BCL7A: variants seen among roughly 807,000 people sequenced by gnomAD.
BCL7A encodes the protein B-cell CLL/lymphoma 7 protein family member A.
In BCL7A, 11 loss-of-function variants were observed where a neutral mutation model predicts 28.4. That is an observed-to-expected ratio of 0.39 (90% CI 0.24 to 0.64). The LOEUF is 0.64. Ranked by LOEUF, BCL7A falls within the 30% of genes least tolerant of loss-of-function variation. BCL7A has a pLI of 0.50. For missense variants in BCL7A, 222 were observed against 274.8 expected, an observed-to-expected ratio of 0.81 and a Z score of 1.36; for synonymous variants, 123 against 103.3, an observed-to-expected ratio of 1.19 and a Z score of -1.15.
At chr12:122,051,866 C>CTTTTTTT (rs34244407) in intron 4 of BCL7A, among the ~76,000 whole-genome samples, 19 of 80,302 alleles carry the variant, frequency 2.4e-4, no homozygotes, top group South Asian at 5.2e-4. Context: ...CTCTCTCTCT[C>CTTTTTTT]TTTTTTTTTT....
intron 1 of BCL7A, among the ~76,000 whole-genome samples, chr12:122,024,985 T>C (rs2135837015): frequency 8.2e-6 from 1 of 122,170 alleles, no homozygotes; most frequent in Admixed American, 1.0e-4. Flanking sequence ...CGGAAAAAGC[T>C]GTGGCCTCCC....
intron 1 of BCL7A, among the ~76,000 whole-genome samples, chr12:122,026,570 G>C (rs1883634401): frequency 6.6e-6 from 1 of 152,274 alleles, no homozygotes; most frequent in African/African-American, 2.4e-5. Flanking sequence ...TGTCCCAGGA[G>C]AGGTAGAGGT....
Position 122,038,515 on chromosome 12 carries a change from A to G in BCL7A, c.271+3088A>G, listed in dbSNP as rs1024767111. 2.0e-5 allele frequency among the ~76,000 whole-genome samples: 3 copies of G among 148,830 alleles called. No individual in the cohort carries two copies. The Admixed American group carries it at 2.1e-4, about 10-fold the overall frequency. ...GTCAAGAAAGCCCCCCCAACCAGCC[A>G]TACAATCATAGTTGGGTTATGTTTC... is the stretch of plus-strand genomic sequence containing the variant. On this transcript the variant is annotated intron_variant, in intron 3 of 5. Transcript: ENST00000261822.
At chr12:122,049,828 G>T (rs535801497) in intron 4 of BCL7A, among the ~76,000 whole-genome samples, 1 of 152,150 alleles carries the variant, frequency 6.6e-6, no homozygotes, top group Non-Finnish European at 1.5e-5. Flanking sequence ...TGCGTCCCTG[G>T]AAGTGGAACC....
chr12:122,055,161 C>T (rs1002569523), intron 5 of BCL7A, among the ~76,000 whole-genome samples: 12 of 152,130 alleles, frequency 7.9e-5, no homozygotes, highest in African/African-American at 2.2e-4. Context: ...GCCTCTGGGT[C>T]GGAGGAGGAT....
At chr12:122,039,671 T>C (rs1883930111) in intron 3 of BCL7A, among the ~76,000 whole-genome samples, 1 of 151,108 alleles carries the variant, frequency 6.6e-6, no homozygotes, top group Non-Finnish European at 1.5e-5. Flanking sequence ...CTGGTCTCTA[T>C]GGTAAAATCC....
At chr12:122,057,313 G>A (rs1237178327) in intron 5 of BCL7A, among the ~76,000 whole-genome samples, 1 of 152,244 alleles carries the variant, frequency 6.6e-6, no homozygotes, top group Non-Finnish European at 1.5e-5. Flanking sequence ...AACCTGGTGG[G>A]TGAGGAAGAG....
At chr12:122,023,912 A>G (rs1883543507) in intron 1 of BCL7A, among the ~76,000 whole-genome samples, 2 of 152,292 alleles carry the variant, frequency 1.3e-5, no homozygotes, top group South Asian at 2.1e-4. Context: ...GAGGTTGGGA[A>G]ACAGCCGGCA....
At chr12:122,030,611 G>A (rs924347926) in intron 1 of BCL7A, 89 bp from the exon 2 acceptor site, 21 of 1,237,150 alleles carry the variant, frequency 1.7e-5, no homozygotes, top group Non-Finnish European at 2.5e-5. Flanking sequence ...TGTGTGATCT[G>A]GAGCTTGCTC....
rs1443436798 is a variant in BCL7A, at chr12:122,042,698, C to T, written c.272-1188C>T. Among the ~76,000 whole-genome samples the T allele has an allele frequency of 5.3e-5, 8 of 151,860 alleles. No individual in the cohort carries two copies. The East Asian group carries it at 5.8e-4, about 11-fold the overall frequency. ...AAGTTCAGGGAGTCCTGACAGTGGC[C>T]GGCAGCCTGCACTGAAGTATTTTCT... On this transcript the variant is annotated intron_variant, in intron 3 of 5. Transcript: ENST00000261822.
rs111620654 is a variant in BCL7A, at chr12:122,043,992, C to T, written c.378C>T (p.Asp126=). ...APEPNSAVPS[D]GTEAKVDEAQ... is the part of the protein sequence containing the mutation. ...AGCCCAACTCGGCTGTGCCCAGCGACGGCACCGAGGCCAAGGTGGATGAGG... is the reference window on the plus strand; with the variant it reads ...AGCCCAACTCGGCTGTGCCCAGCGATGGCACCGAGGCCAAGGTGGATGAGG... Residue 126 remains aspartate (D), a synonymous_variant, in exon 4 of 6, where the codon GAC becomes GAT. Coordinates refer to ENST00000261822, the MANE Select transcript of BCL7A (RefSeq NM_001024808.3). 1.3e-3 allele frequency: 2,112 copies of T among 1,613,938 alleles called. 5 individuals carry two copies. Among genetic ancestry groups the T allele is most frequent in the Non-Finnish European group, 1.4e-3 (1,700 of 1,180,008 alleles).
At chr12:122,025,878 C>T (rs1259192373) in intron 1 of BCL7A, among the ~76,000 whole-genome samples, 1 of 134,900 alleles carries the variant, frequency 7.4e-6, no homozygotes, top group African/African-American at 2.8e-5. Flanking sequence ...ACCTGGGAGG[C>T]GCAGGTTGCA....
At chr12:122,052,877 G>A (rs1018249167) in intron 4 of BCL7A, among the ~76,000 whole-genome samples, 9 of 135,706 alleles carry the variant, frequency 6.6e-5, no homozygotes, top group African/African-American at 2.4e-4. Flanking sequence ...TCGGGGGGGG[G>A]GGGGGGTTTG....
At chr12:122,044,326 T>G in intron 4 of BCL7A, 1 of 343,660 alleles carries the variant, frequency 2.9e-6, no homozygotes, top group Non-Finnish European at 5.2e-6. Flanking sequence ...CTGGGCAACA[T>G]AGCAAGACCT....
At chr12:122,046,060 T>TAAA (rs776315126) in intron 4 of BCL7A, among the ~76,000 whole-genome samples, 19,334 of 62,646 alleles carry the variant, frequency 0.31, 3,239 homozygotes, top group East Asian at 0.47. Flanking sequence ...GAGACCTTGC[T>TAAA]AAAAAAAAAA....
In BCL7A at chr12:122,044,193, C is replaced by G. The variant is rs1884022863; in HGVS notation, c.439+140C>G. The G allele has an allele frequency of 5.1e-6, 5 of 982,728 alleles. No homozygotes were observed. The South Asian group carries it at 7.2e-5, about 14-fold the overall frequency. 60.9% of individuals were successfully genotyped at this position (982,728 alleles called of 1,614,324 possible). The stretch of plus-strand genomic sequence containing the variant: ...GTAAAGAGAGGTGACACCTGGAGTA[C>G]ATGGTCTCGTGGGGGAATTAAAAAA... On this transcript the variant is annotated intron_variant, in intron 4 of 5. Coordinates refer to ENST00000261822, the MANE Select transcript of BCL7A (RefSeq NM_001024808.3).
chr12:122,038,431 CAAAA>C (rs56376395), intron 3 of BCL7A, among the ~76,000 whole-genome samples: 12 of 33,554 alleles, frequency 3.6e-4, no homozygotes, highest in Middle Eastern at 0.029. Context: ...GACTCTGCCT[CAAAA>C]AAAAAAAAAA....
intron 4 of BCL7A, among the ~76,000 whole-genome samples, chr12:122,053,996 G>T (rs1407052977): frequency 6.6e-6 from 1 of 152,114 alleles, no homozygotes; most frequent in Non-Finnish European, 1.5e-5. Context: ...TCCCTGGGTG[G>T]TGACAGGTGA....
chr12:122,024,812 A>G, intron 1 of BCL7A, among the ~76,000 whole-genome samples: 1 of 152,190 alleles, frequency 6.6e-6, no homozygotes, highest in East Asian at 1.9e-4. Flanking sequence ...TTTATCTGAA[A>G]TGCAAATTTA....
Sources: gnomAD v4.1 joint callset for allele counts (sites outside exome capture counted in the v4.1 genomes callset) on GRCh38, gnomAD v4.1.1 for gene constraint, MANE v1.5 for transcripts, NCBI Gene and HGNC (gene_info 2026-07-23, HGNC 2026-07-21) for gene names.